The following NRXN1 variants were observed in gnomAD, a reference collection of about 807,000 sequenced individuals.
NRXN1 encodes neurexin-1.
NRXN1 carries 39 observed loss-of-function variants against 150.9 expected under a neutral mutation model. The ratio of observed to expected loss-of-function variants is 0.26; its 90% CI spans 0.20 to 0.34. NRXN1 has a LOEUF of 0.34. NRXN1 is among the 10% of genes least tolerant of loss of function. The pLI, the probability that NRXN1 is intolerant of heterozygous loss-of-function variation, is 1.00. For synonymous variants in NRXN1, 924 were observed against 757.0 expected (o/e 1.22, Z -3.62); for missense variants, 1,815 against 1,949.9 (o/e 0.93, Z 1.30).
At chr2:49,986,975 G>A (rs1342045415) in intron 21 of NRXN1, among the ~76,000 whole-genome samples, 3 of 152,142 alleles carry the variant, frequency 2.0e-5, no homozygotes, top group African/African-American at 4.8e-5. Context: ...TGAAGTGGGA[G>A]GACCACCTAA....
At chr2:50,933,471 A>T (rs1324458902) in intron 2 of NRXN1, among the ~76,000 whole-genome samples, 1 of 152,162 alleles carries the variant, frequency 6.6e-6, no homozygotes, top group Non-Finnish European at 1.5e-5. Context: ...TTGCAGGAAG[A>T]AAAACTAAAT....
chr2:50,217,979 T>C (rs1038681011), intron 18 of NRXN1, among the ~76,000 whole-genome samples: 5 of 152,038 alleles, frequency 3.3e-5, no homozygotes, highest in Non-Finnish European at 5.9e-5. Flanking sequence ...TAGCTCATTA[T>C]TTCTGATGGC....
At chr2:50,327,263 T>C (rs1173276496) in intron 17 of NRXN1, among the ~76,000 whole-genome samples, 1 of 152,174 alleles carries the variant, frequency 6.6e-6, no homozygotes, top group Non-Finnish European at 1.5e-5. Flanking sequence ...AAAAATATGA[T>C]GATCCAAAGA....
rs531323035 is a variant in NRXN1, at chr2:50,378,245, C to T, written c.3364+87197G>A. ...TTCATAGGCATACATGTTTACATAG[C>T]AACTCCATGAGAATTTACAATAAGT... On this transcript the variant is annotated intron_variant, in intron 17 of 22. Transcript: ENST00000401669. Among the ~76,000 whole-genome samples, 3 of 152,254 alleles carry T rather than the reference C, an allele frequency of 2.0e-5. No homozygotes were observed. The South Asian group carries it at 6.2e-4, about 32-fold the overall frequency.
intron 17 of NRXN1, among the ~76,000 whole-genome samples, chr2:50,437,166 T>C (rs1042308572): frequency 6.6e-6 from 1 of 152,218 alleles, no homozygotes; most frequent in Non-Finnish European, 1.5e-5. Context: ...CAGGAAAACC[T>C]AGTTAAGTGA....
intron 19 of NRXN1, among the ~76,000 whole-genome samples, chr2:50,056,354 G>T (rs1029184750): frequency 2.0e-5 from 3 of 152,102 alleles, no homozygotes; most frequent in Admixed American, 6.6e-5. Flanking sequence ...AGATAGAAAA[G>T]AACTATCTTT....
chr2:50,820,334 G>A (rs1669543912), intron 5 of NRXN1, among the ~76,000 whole-genome samples: 1 of 151,998 alleles, frequency 6.6e-6, no homozygotes, highest in Admixed American at 6.6e-5. Context: ...TTCCTGCACA[G>A]GTGTTGTGTG....
At chr2:50,463,807 G>C (rs904935200) in intron 17 of NRXN1, among the ~76,000 whole-genome samples, 1 of 151,626 alleles carries the variant, frequency 6.6e-6, no homozygotes, top group Non-Finnish European at 1.5e-5. Context: ...TAGTTTGGCA[G>C]AAAAAGTTCT....
At chr2:49,971,672 A>G (rs186521213) in intron 21 of NRXN1, among the ~76,000 whole-genome samples, 1 of 152,300 alleles carries the variant, frequency 6.6e-6, no homozygotes, top group Non-Finnish European at 1.5e-5. Context: ...AAAATGTTAC[A>G]GGGAATTTGC....
intron 5 of NRXN1, among the ~76,000 whole-genome samples, chr2:50,836,094 GT>G (rs1462065624): frequency 3.3e-5 from 5 of 152,050 alleles, no homozygotes; most frequent in Admixed American, 2.6e-4. Flanking sequence ...TCTAATTCTA[GT>G]TTTCGAAATT....
At chr2:49,927,856 C>T (rs1465120642) in intron 22 of NRXN1, among the ~76,000 whole-genome samples, 2 of 152,000 alleles carry the variant, frequency 1.3e-5, no homozygotes, top group Admixed American at 6.6e-5. Context: ...GCTGTTCTTC[C>T]ACTGTAATCT....
chr2:50,433,002 T>C (rs1383426512), intron 17 of NRXN1, among the ~76,000 whole-genome samples: 1 of 152,152 alleles, frequency 6.6e-6, no homozygotes, highest in Non-Finnish European at 1.5e-5. Flanking sequence ...CTCATTGACA[T>C]GGAAATGAGT....
intron 5 of NRXN1, among the ~76,000 whole-genome samples, chr2:50,690,524 T>C (rs1691922870): frequency 6.6e-6 from 1 of 152,164 alleles, no homozygotes. Flanking sequence ...AGAAAAACAT[T>C]TGCAAGTCTC....
intron 21 of NRXN1, among the ~76,000 whole-genome samples, chr2:49,986,585 G>C (rs1251244034): frequency 6.6e-6 from 1 of 151,948 alleles, no homozygotes; most frequent in Non-Finnish European, 1.5e-5. Context: ...GAATGAAAAG[G>C]GTAAAGTTTT....
chr2:50,583,974 A>G (rs1169790012), intron 8 of NRXN1, among the ~76,000 whole-genome samples: 47 of 152,192 alleles, frequency 3.1e-4, no homozygotes, highest in Admixed American at 2.9e-3. Flanking sequence ...TTGGAGCCCA[A>G]TAAATGTTTG....
intron 17 of NRXN1, among the ~76,000 whole-genome samples, chr2:50,398,886 C>G (rs745436599): frequency 2.0e-5 from 3 of 152,072 alleles, no homozygotes; most frequent in Non-Finnish European, 4.4e-5. Context: ...TGAGTTTCAT[C>G]ATGCAGTCAT....
intron 18 of NRXN1, among the ~76,000 whole-genome samples, chr2:50,183,434 T>C (rs760368377): frequency 2.0e-5 from 3 of 152,004 alleles, no homozygotes; most frequent in Non-Finnish European, 4.4e-5. Flanking sequence ...GGAGTTTTTT[T>C]TTAAACCAAC....
At chr2:50,853,590 T>A (rs911093969) in intron 5 of NRXN1, among the ~76,000 whole-genome samples, 3 of 152,120 alleles carry the variant, frequency 2.0e-5, no homozygotes, top group Admixed American at 2.0e-4. Flanking sequence ...AAAATAAAGC[T>A]AGAACACAAA....
chr2:50,600,799 A>C (rs1676142172), intron 8 of NRXN1, among the ~76,000 whole-genome samples: 1 of 152,256 alleles, frequency 6.6e-6, no homozygotes, highest in South Asian at 2.1e-4. Flanking sequence ...AAGAAAGTCA[A>C]GGTTAATTTG....
Sources: gnomAD v4.1 joint callset for allele counts (sites outside exome capture counted in the v4.1 genomes callset) on GRCh38, gnomAD v4.1.1 for gene constraint, MANE v1.5 for transcripts, NCBI Gene and HGNC (gene_info 2026-07-23, HGNC 2026-07-21) for gene names.